PANX2: variants seen among roughly 807,000 people sequenced by gnomAD.
PANX2 encodes the protein pannexin 2.
A neutral mutation model predicts 38.7 loss-of-function variants in PANX2; 30 were observed. The ratio of observed to expected loss-of-function variants is 0.78; its 90% CI spans 0.58 to 1.05. PANX2 has a LOEUF of 1.05. PANX2 is among the 50% of genes least tolerant of loss of function. The pLI, the probability that PANX2 is intolerant of heterozygous loss-of-function variation, is 0.00. For missense variants in PANX2, 880 were observed against 979.3 expected, an observed-to-expected ratio of 0.90 and a Z score of 1.35; for synonymous variants, 539 against 472.1, an observed-to-expected ratio of 1.14 and a Z score of -1.84.
In PANX2 at chr22:50,177,512, G is replaced by A. The variant is rs1293666177; in HGVS notation, c.800G>A (p.Gly267Glu). The A allele has an allele frequency of 2.5e-6, 4 of 1,609,488 alleles. No individual in the cohort carries two copies. In the African/African-American group the frequency reaches 5.3e-5, roughly 21 times the overall value. Reference sequence around the variant, plus strand: ...TGCGCGCTGGGCGCGTCCCCGGACGGGGCGGCAGGTGCGGGGCCCGCGGTG... The same window carrying A: ...TGCGCGCTGGGCGCGTCCCCGGACGAGGCGGCAGGTGCGGGGCCCGCGGTG... ...FTCALGASPD[G>E]AAGAGPAVRV... The change falls in exon 2 of 3, where the codon GGG becomes GAG. Residue 267 changes from glycine (G) to glutamate (E), a missense_variant. Gly to Glu is a moderately conservative substitution (Grantham distance 98). Around this residue, in one of 4 missense-constraint regions of PANX2, gnomAD observed 114 missense variants for 108.8 expected, o/e 1.05. Coordinates refer to ENST00000395842, the MANE Select transcript of PANX2 (RefSeq NM_052839.4).
At chr22:50,171,045 C>A in intron 1 of PANX2, 89 bp downstream of exon 1, 1 of 582,298 alleles carries the variant, frequency 1.7e-6, no homozygotes, top group Non-Finnish European at 2.7e-6. Flanking sequence ...CCCGGCGGCT[C>A]CGTCCAGCCG....
chr22:50,174,095 T>A (rs986848318), intron 1 of PANX2, among the ~76,000 whole-genome samples: 10 of 152,210 alleles, frequency 6.6e-5, no homozygotes, highest in African/African-American at 2.4e-4. Context: ...GCTGAGGGCT[T>A]CCAGGATGTG....
In PANX2 at chr22:50,178,371, TG is replaced by T; in HGVS notation, c.1662del (p.Leu555Ter). Reference sequence around the variant, plus strand: ...GCTTCCTGTCCCAGGCGGAGGACTGTGGGCTAGGCCTGGCCCCGGCGCCCAT... The same window carrying T: ...GCTTCCTGTCCCAGGCGGAGGACTGTGGCTAGGCCTGGCCCCGGCGCCCAT... ...GGFLSQAEDC[G>X]LGLAPAPIKD... On this transcript the variant is annotated frameshift_variant, in exon 2 of 3. Transcript: ENST00000395842. LOFTEE classifies it low-confidence loss of function (END_TRUNC). 6.8e-7 allele frequency: 1 copy of T among 1,467,740 alleles called. No homozygotes were observed. 90.9% of individuals were successfully genotyped at this position (1,467,740 alleles called of 1,614,324 possible).
chr22:50,170,911 G>T lies in PANX2; in HGVS notation c.181G>T (p.Val61Leu), dbSNP rs2063626104. Residue 61 changes from valine (V) to leucine (L), a missense_variant, in exon 1 of 3, where the codon GTG (valine) becomes TTG (leucine). By Grantham distance (32) the Val-to-Leu change is conservative (BLOSUM62 1). This residue lies in a region of PANX2 where 243 missense variants were observed against 333.1 expected (regional missense o/e 0.73). Coordinates refer to ENST00000395842, the MANE Select transcript of PANX2 (RefSeq NM_052839.4). Reference sequence around the variant, plus strand: ...GGTGGTCACCATCGGCACCGTGCTGGTGCCCATCCTGCTGGTCACCCTGGT... The same window carrying T: ...GGTGGTCACCATCGGCACCGTGCTGTTGCCCATCCTGCTGGTCACCCTGGT... ...DRVVTIGTVL[V>L]PILLVTLVFT... The T allele has an allele frequency of 6.5e-7, 1 of 1,530,038 alleles. No homozygotes were observed. The highest frequency in any genetic ancestry group is 8.8e-7 in the Non-Finnish European group (1 of 1,138,718). The allele number at this position is 1,530,038 out of a possible 1,614,324, so 94.8% of individuals were successfully genotyped here.
At position 50,177,040 on chromosome 22, in the gene PANX2, G is replaced by A. The variant is rs755473922; in HGVS notation, c.328G>A (p.Val110Met). ...GGAGCTGCGGGACGCGCTGCCCGGC[G>A]TGGACGCCAGCCTGTGGCCGTCGCT... Reference protein sequence around the residue: ...WTELRDALPGVDASLWPSLFE... With the variant: ...WTELRDALPGMDASLWPSLFE... Residue 110 changes from valine (V) to methionine (M), a missense_variant, in exon 2 of 3, where the codon GTG becomes ATG. Val to Met is a conservative substitution (Grantham distance 21). Transcript: ENST00000395842. 3.1e-6 allele frequency: 5 copies of A among 1,607,460 alleles called. No individual in the cohort carries two copies. Among genetic ancestry groups the A allele is most frequent in the Admixed American group, 3.4e-5 (2 of 59,550 alleles).
intron 2 of PANX2, 51 bp downstream of exon 2, chr22:50,178,453 G>C: frequency 8.1e-7 from 1 of 1,240,902 alleles, no homozygotes; most frequent in South Asian, 1.8e-5. Flanking sequence ...TGGGAGAGGC[G>C]CCCACAGCCA....
At chr22:50,173,113 G>A (rs998504294) in intron 1 of PANX2, among the ~76,000 whole-genome samples, 1 of 152,178 alleles carries the variant, frequency 6.6e-6, no homozygotes, top group Admixed American at 6.5e-5. Flanking sequence ...GGCCAGGATG[G>A]TCTCGATCTC....
chr22:50,174,975 G>A (rs1488364237), intron 1 of PANX2, among the ~76,000 whole-genome samples: 1 of 152,232 alleles, frequency 6.6e-6, no homozygotes, highest in African/African-American at 2.4e-5. Flanking sequence ...CAGGGAGGAG[G>A]GAAGCCTTGC....
chr22:50,174,071 A>C (rs977350247), intron 1 of PANX2, among the ~76,000 whole-genome samples: 1 of 152,182 alleles, frequency 6.6e-6, no homozygotes, highest in Non-Finnish European at 1.5e-5. Context: ...GGGAAGGGCC[A>C]GGGCCTGGCC....
rs747942077 is a variant in PANX2 at position 50,178,224 on chromosome 22, C to T, written c.1512C>T (p.Ala504=). Residue 504 remains alanine (A), a synonymous_variant, in exon 2 of 3, where the codon GCC becomes GCT. Coordinates refer to ENST00000395842, the MANE Select transcript of PANX2 (RefSeq NM_052839.4). ...CCCCTGCCCCCGCCCCGCCGCCCGC[C>T]CCTGACAAGAAGCACGCGCGCCACT... ...GPAPAPAPPP[A]PDKKHARHFS... is the part of the protein sequence containing the mutation. The T allele has an allele frequency of 6.7e-7, 1 of 1,496,510 alleles. No individual in the cohort carries two copies. Among genetic ancestry groups the T allele is most frequent in the Non-Finnish European group, 8.8e-7 (1 of 1,131,422 alleles). 92.7% of individuals were successfully genotyped at this position (1,496,510 alleles called of 1,614,324 possible).
At position 50,178,193 on chromosome 22, in the gene PANX2, G is replaced by GGCCCCCCCCC; in HGVS notation, c.1481_1482insGCCCCCCCCC (p.Ala496ProfsTer14). ...GGCGGAGGGGGCGACCCGGGCCCCGGCCCCGCCCCTGCCCCCGCCCCGCCG... is the reference window on the plus strand; with the variant it reads ...GGCGGAGGGGGCGACCCGGGCCCCGGGCCCCCCCCCCCCCGCCCCTGCCCCCGCCCCGCCG... On this transcript the variant is annotated frameshift_variant, in exon 2 of 3. Coordinates refer to ENST00000395842, the MANE Select transcript of PANX2 (RefSeq NM_052839.4). LOFTEE classifies it high-confidence loss of function. 1 of 1,465,224 alleles carries GGCCCCCCCCC rather than the reference G, an allele frequency of 6.8e-7. No individual in the cohort carries two copies. The highest frequency in any genetic ancestry group is 8.9e-7 in the Non-Finnish European group (1 of 1,118,988). The allele number at this position is 1,465,224 out of a possible 1,614,324, so 90.8% of individuals were successfully genotyped here.
At chr22:50,171,892 C>T (rs1009613080) in intron 1 of PANX2, among the ~76,000 whole-genome samples, 5 of 152,188 alleles carry the variant, frequency 3.3e-5, no homozygotes, top group Non-Finnish European at 7.4e-5. Context: ...TCAGCAGACC[C>T]TGCCTCAGCA....
Position 50,178,278 on chromosome 22 carries a change from C to T in PANX2, c.1566C>T (p.Leu522=), listed in dbSNP as rs1311461393. ...CCCTGGACGTGCACCCCTACATCCT[C>T]GGCACCAAGAAGGCCAAGGCCGAGG... ...HFSLDVHPYI[L]GTKKAKAEAV... Residue 522 remains leucine, a synonymous_variant, in exon 2 of 3, where the codon CTC becomes CTT. Transcript: ENST00000395842. 9.1e-6 allele frequency: 14 copies of T among 1,533,004 alleles called. No individual in the cohort carries two copies. The African/African-American group carries it at 1.7e-4, about 19-fold the overall frequency. The allele number at this position is 1,533,004 out of a possible 1,614,324, so 95.0% of individuals were successfully genotyped here. A position where few individuals can be genotyped will look rare whatever the true frequency, so the allele number is the denominator to read the frequency against.
Position 50,179,766 on chromosome 22 carries a change from C to A in PANX2, c.*489C>A. ...GCTCAGGGGTCACCCCCTGCAGGGA[C>A]CTGATGCCCTCGGGTGGGAGGGACC... On this transcript the variant is annotated 3_prime_UTR_variant, in exon 3 of 3. Transcript: ENST00000395842. 6.3e-6 allele frequency: 1 copy of A among 158,938 alleles called. No homozygotes were observed. The allele number at this position is 158,938 out of a possible 1,614,324, so 9.8% of individuals were successfully genotyped here.
At position 50,170,970 on chromosome 22, in the gene PANX2, C is replaced by CCGGGGCG. The variant is rs1054721996; in HGVS notation, c.226+26_226+32dup. The CCGGGGCG allele has an allele frequency of 1.5e-5, 21 of 1,447,678 alleles. No homozygotes were observed. The highest frequency in any genetic ancestry group is 5.9e-5 in the African/African-American group (4 of 67,798). The allele number at this position is 1,447,678 out of a possible 1,614,324, so 89.7% of individuals were successfully genotyped here. On this transcript the variant is annotated intron_variant, in intron 1 of 2. Transcript: ENST00000395842. Reference sequence around the variant, plus strand: ...AGAACTTCGCAGGTGAGGCCGGCGGCCGGGGCGCGGGGCGCGGGCAGAGGG... The same window carrying CCGGGGCG: ...AGAACTTCGCAGGTGAGGCCGGCGGCCGGGGCGCGGGGCGCGGGGCGCGGGCAGAGGG...
At chr22:50,175,206 G>A (rs1437311656) in intron 1 of PANX2, among the ~76,000 whole-genome samples, 3 of 152,170 alleles carry the variant, frequency 2.0e-5, no homozygotes, top group East Asian at 1.9e-4. Flanking sequence ...CACGTGGCTC[G>A]GTGTGGGGCC....
Position 50,177,792 on chromosome 22 carries a change from G to A in PANX2, c.1080G>A (p.Ser360=). Residue 360 remains serine (S), a synonymous_variant, in exon 2 of 3, where the codon TCG becomes TCA. Transcript: ENST00000395842. ...ACGAGAACCGCGACCACATCAAGTCGCTCAACCGGCTGGACTTCATCACCA... is the reference window on the plus strand; with the variant it reads ...ACGAGAACCGCGACCACATCAAGTCACTCAACCGGCTGGACTTCATCACCA... ...FCNENRDHIK[S]LNRLDFITNE... 6.2e-7 allele frequency: 1 copy of A among 1,604,078 alleles called. No homozygotes were observed. Among genetic ancestry groups the A allele is most frequent in the Non-Finnish European group, 8.5e-7 (1 of 1,179,756 alleles).
intron 1 of PANX2, among the ~76,000 whole-genome samples, chr22:50,172,421 C>T (rs2063637314): frequency 6.6e-6 from 1 of 152,236 alleles, no homozygotes; most frequent in Non-Finnish European, 1.5e-5. Context: ...TCTTCCCTCC[C>T]TGTCTGTGTC....
intron 1 of PANX2, among the ~76,000 whole-genome samples, chr22:50,172,053 C>T (rs547845563): frequency 2.6e-5 from 4 of 152,196 alleles, no homozygotes; most frequent in African/African-American, 9.6e-5. Flanking sequence ...CACTGGAGGC[C>T]AGACCCCGGG....
Sources: gnomAD v4.1 joint callset for allele counts (sites outside exome capture counted in the v4.1 genomes callset) on GRCh38, gnomAD v4.1.1 for gene constraint, gnomAD v4.1.1 regional missense constraint, MANE v1.5 for transcripts, NCBI Gene and HGNC (gene_info 2026-07-23, HGNC 2026-07-21) for gene names.